Variants in MS4A18 observed in about 807,000 individuals in gnomAD.
The protein encoded by MS4A18 is membrane spanning 4-domains A18.
Under a neutral mutation model 13.1 loss-of-function variants are expected in MS4A18, and 27 were observed. That is an observed-to-expected ratio of 2.06 (90% CI 1.52 to 2.84). The LOEUF is 2.84. MS4A18 is among the 30% of genes most tolerant of loss of function. The pLI is 0.00. For missense variants in MS4A18, 307 were observed against 196.4 expected, an observed-to-expected ratio of 1.56 and a Z score of -3.37; for synonymous variants, 126 against 76.5, an observed-to-expected ratio of 1.65 and a Z score of -3.38.
At chr11:60,731,505 T>C (rs1853251793) in intron 1 of MS4A18, among the ~76,000 whole-genome samples, 1 of 152,262 alleles carries the variant, frequency 6.6e-6, no homozygotes, top group Non-Finnish European at 1.5e-5. Context: ...GCAGCTGCAG[T>C]ATTTAGCCCG....
intron 5 of MS4A18, 37 bp downstream of exon 6, chr11:60,741,180 C>T: frequency 1.4e-6 from 1 of 702,962 alleles, no homozygotes; most frequent in Non-Finnish European, 2.6e-6. Context: ...TCAGATCATG[C>T]TCTGGAGTTG....
chr11:60,743,946 T>C (rs1853447647), exon 6 of MS4A18: 4 of 703,070 alleles, frequency 5.7e-6, no homozygotes, highest in Middle Eastern at 2.3e-4. Flanking sequence ...GTTGTGTCAA[T>C]GCTATCCACA....
chr11:60,729,104 G>A (rs1853210206), upstream of MS4A18, among the ~76,000 whole-genome samples: 1 of 152,166 alleles, frequency 6.6e-6, no homozygotes, highest in Non-Finnish European at 1.5e-5. Context: ...AGTAGCCTCG[G>A]GAAACCCTAG....
At chr11:60,725,831 A>T (rs1853152109), upstream of MS4A18, among the ~76,000 whole-genome samples, 2 of 152,172 alleles carry the variant, frequency 1.3e-5, no homozygotes, top group Non-Finnish European at 2.9e-5. Context: ...AATGGTCATA[A>T]CAATAATATA....
Position 60,730,413 on chromosome 11 carries a change from C to T in MS4A18, c.477+621C>T, listed in dbSNP as rs545073218. Reference sequence around the variant, plus strand: ...ATGGAGACTGGCGTGTCACAGATGCCCATACTCTATGCACTCATCCATTCA... The same window carrying T: ...ATGGAGACTGGCGTGTCACAGATGCTCATACTCTATGCACTCATCCATTCA... On this transcript the variant is annotated intron_variant, in intron 1 of 5. Coordinates refer to ENST00000529108, the Ensembl canonical transcript of MS4A18. Among the ~76,000 whole-genome samples, 14 of 152,320 alleles carry T rather than the reference C, an allele frequency of 9.2e-5. No homozygotes were observed. The South Asian group carries it at 2.9e-3, about 32-fold the overall frequency.
chr11:60,733,377 C>T (rs1192343139), intron 1 of MS4A18, among the ~76,000 whole-genome samples, 157 bp from the exon 3 acceptor site: 1 of 152,208 alleles, frequency 6.6e-6, no homozygotes, highest in African/African-American at 2.4e-5. Flanking sequence ...AGGTGTGGAC[C>T]CTACCCTCAG....
chr11:60,743,026 C>T (rs1211538156), intron 5 of MS4A18, among the ~76,000 whole-genome samples: 1 of 152,234 alleles, frequency 6.6e-6, no homozygotes, highest in African/African-American at 2.4e-5. Context: ...GCAGTGAGAT[C>T]ACCACTTTTC....
chr11:60,744,855 G>A (rs1177744350), downstream of MS4A18, among the ~76,000 whole-genome samples: 6 of 152,182 alleles, frequency 3.9e-5, no homozygotes, highest in East Asian at 1.9e-4. Context: ...CCAAGTGCTG[G>A]TGAAAACAGA....
At chr11:60,735,335 CTT>C (rs71043724) in intron 2 of MS4A18, among the ~76,000 whole-genome samples, 78 of 121,610 alleles carry the variant, frequency 6.4e-4, no homozygotes, top group Non-Finnish European at 6.0e-4. Context: ...TAATGTTTTT[CTT>C]TTTTTTTTTT....
At chr11:60,735,913 C>T (rs1409267502) in intron 2 of MS4A18, among the ~76,000 whole-genome samples, 2 of 151,998 alleles carry the variant, frequency 1.3e-5, no homozygotes, top group Admixed American at 6.6e-5. Flanking sequence ...CCACCCACCT[C>T]GGCCTCCCAA....
upstream of MS4A18, among the ~76,000 whole-genome samples, chr11:60,726,195 A>T (rs181623354): frequency 0.014 from 2,153 of 152,326 alleles, 45 homozygotes; most frequent in African/African-American, 0.049. Context: ...CCTACTTTGC[A>T]AAGAGGCGGG....
upstream of MS4A18, among the ~76,000 whole-genome samples, chr11:60,727,702 C>A (rs1229302632): frequency 6.6e-6 from 1 of 152,086 alleles, no homozygotes; most frequent in Non-Finnish European, 1.5e-5. Context: ...ACTGTATAAT[C>A]TAAGTAAAGG....
chr11:60,733,694 A>C lies in MS4A18; in HGVS notation c.591+47A>C, dbSNP rs1373232742. On this transcript the variant is annotated intron_variant, in intron 2 of 5. Transcript: ENST00000529108. Reference sequence around the variant, plus strand: ...CTCCTTCCTGGGTCACCAGACTGGGACAAGAAGGAAGTGGAGGAAGAAGGA... The same window carrying C: ...CTCCTTCCTGGGTCACCAGACTGGGCCAAGAAGGAAGTGGAGGAAGAAGGA... The C allele has an allele frequency of 4.3e-6, 3 of 702,978 alleles. No homozygotes were observed. In the African/African-American group the frequency reaches 5.2e-5, roughly 12 times the overall value. The allele number at this position is 702,978 out of a possible 1,614,324, so 43.5% of individuals were successfully genotyped here.
chr11:60,744,151 C>T (rs1219355984), exon 6 of MS4A18: 8 of 588,714 alleles, frequency 1.4e-5, no homozygotes, highest in Non-Finnish European at 2.1e-5. Context: ...CTCTTCACTC[C>T]TAAGCTTCAT....
chr11:60,740,955 GC>G, intron 4 of MS4A18, 74 bp from the exon 6 acceptor site: 1 of 699,602 alleles, frequency 1.4e-6, no homozygotes, highest in Non-Finnish European at 2.6e-6. Flanking sequence ...GAGGTGTGTG[GC>G]ACTCCAAATG....
chr11:60,741,834 TG>T (rs916036777), intron 5 of MS4A18, among the ~76,000 whole-genome samples: 1 of 152,244 alleles, frequency 6.6e-6, no homozygotes, highest in African/African-American at 2.4e-5. Flanking sequence ...GCATCAGGCT[TG>T]AAGTCTAGGA....
chr11:60,736,513 T>C (rs1853341586), intron 2 of MS4A18, among the ~76,000 whole-genome samples: 1 of 152,136 alleles, frequency 6.6e-6, no homozygotes, highest in Non-Finnish European at 1.5e-5. Context: ...CCACAGCAGA[T>C]GAGGCCACAG....
intron 2 of MS4A18, among the ~76,000 whole-genome samples, chr11:60,735,500 A>ATTTTTTTTTTTT (rs56136215): frequency 2.4e-4 from 26 of 110,078 alleles, no homozygotes; most frequent in African/African-American, 4.7e-4. Context: ...TGCCCGGCTA[A>ATTTTTTTTTTTT]TTTTTTTTTT....
chr11:60,738,790 A>G (rs918836870), intron 3 of MS4A18, 112 bp from the exon 5 acceptor site: 1 of 613,418 alleles, frequency 1.6e-6, no homozygotes, highest in Non-Finnish European at 2.9e-6. Flanking sequence ...CTGCCTGGCC[A>G]ACTCTTTTCT....
Sources: allele counts gnomAD v4.1 joint callset (sites outside exome capture counted in the v4.1 genomes callset), GRCh38; gene constraint gnomAD v4.1.1; transcripts MANE v1.5; gene names NCBI Gene and HGNC (gene_info 2026-07-23, HGNC 2026-07-21).